AFG2A: variants seen among roughly 807,000 people sequenced by gnomAD.
AFG2A encodes the protein ATPase family gene 2 protein homolog A.
the AFG2A span, among the ~76,000 whole-genome samples, chr4:123,016,436 C>T: frequency 2.0e-5 from 3 of 151,482 alleles, no homozygotes; most frequent in African/African-American, 7.3e-5. Flanking sequence ...CTCCTCACCT[C>T]CCAGACGGGG....
the AFG2A span, among the ~76,000 whole-genome samples, chr4:123,069,155 A>T: frequency 6.6e-6 from 1 of 152,218 alleles, no homozygotes; most frequent in Non-Finnish European, 1.5e-5. Context: ...CCAACAAAGG[A>T]TAGCAGCAGT....
the AFG2A span, among the ~76,000 whole-genome samples, chr4:123,117,438 ATACTGATAG>A: frequency 3.3e-5 from 5 of 149,902 alleles, no homozygotes; most frequent in African/African-American, 1.2e-4. Context: ...GGAACCTGGC[ATACTGATAG>A]TACCCATTAT....
At chr4:123,182,355 C>G in the AFG2A span, among the ~76,000 whole-genome samples, 34 of 152,256 alleles carry the variant, frequency 2.2e-4, no homozygotes, top group African/African-American at 7.7e-4. Context: ...TAAGGTAAGT[C>G]AGTAGCTTTT....
the AFG2A span, among the ~76,000 whole-genome samples, chr4:123,151,665 T>C: frequency 1.3e-3 from 192 of 152,318 alleles, 1 homozygote; most frequent in Non-Finnish European, 2.4e-3. Flanking sequence ...ATAGGAATGC[T>C]TTTACACTGT....
chr4:122,938,080 A>G, the AFG2A span: 1 of 1,507,232 alleles, frequency 6.6e-7, no homozygotes, highest in East Asian at 2.4e-5. Flanking sequence ...GTAAAACTTA[A>G]AATCAAATAT....
At chr4:123,102,468 A>G in the AFG2A span, among the ~76,000 whole-genome samples, 4 of 151,934 alleles carry the variant, frequency 2.6e-5, no homozygotes, top group Non-Finnish European at 5.9e-5. Context: ...CAGATGTCTG[A>G]TTAGCCTGCA....
At chr4:123,053,032 T>C in the AFG2A span, among the ~76,000 whole-genome samples, 34 of 152,292 alleles carry the variant, frequency 2.2e-4, no homozygotes, top group Admixed American at 6.5e-4. Context: ...TTCATCTTCT[T>C]CCACCTGCTT....
the AFG2A span, among the ~76,000 whole-genome samples, chr4:123,241,991 A>T: frequency 1.2e-4 from 18 of 152,336 alleles, 1 homozygote; most frequent in African/African-American, 4.3e-4. Flanking sequence ...CCAATAACAG[A>T]CAAACAGCCA....
At chr4:123,054,868 C>A in the AFG2A span, among the ~76,000 whole-genome samples, 7 of 152,138 alleles carry the variant, frequency 4.6e-5, no homozygotes, top group Admixed American at 2.0e-4. Flanking sequence ...TTGCCTTAAA[C>A]TTGTTCCTCA....
At chr4:122,965,969 C>T in the AFG2A span, among the ~76,000 whole-genome samples, 1 of 151,988 alleles carries the variant, frequency 6.6e-6, no homozygotes, top group Admixed American at 6.6e-5. Context: ...TAACTGATGG[C>T]CAAAAGGGCT....
the AFG2A span, among the ~76,000 whole-genome samples, chr4:123,142,759 C>T: frequency 6.6e-6 from 1 of 152,092 alleles, no homozygotes. Flanking sequence ...TGCATAACTA[C>T]TTGCTTTTCC....
the AFG2A span, among the ~76,000 whole-genome samples, chr4:122,996,187 C>T: frequency 6.6e-6 from 1 of 152,104 alleles, no homozygotes; most frequent in Admixed American, 6.6e-5. Context: ...ATGCTGTCCT[C>T]CCATCTGCCT....
At chr4:122,999,784 G>A in the AFG2A span, among the ~76,000 whole-genome samples, 5 of 152,132 alleles carry the variant, frequency 3.3e-5, no homozygotes, top group South Asian at 2.1e-4. Context: ...TTGACTTGGC[G>A]ATGCGGGCTC....
At chr4:123,200,158 A>T in the AFG2A span, among the ~76,000 whole-genome samples, 3 of 152,192 alleles carry the variant, frequency 2.0e-5, no homozygotes, top group African/African-American at 7.2e-5. Flanking sequence ...GGCAATTCAC[A>T]TATTATGATT....
At chr4:123,046,621 T>C in the AFG2A span, among the ~76,000 whole-genome samples, 2 of 152,178 alleles carry the variant, frequency 1.3e-5, no homozygotes, top group African/African-American at 4.8e-5. Flanking sequence ...CCTCAAACAT[T>C]GATCTTTTCT....
At chr4:122,968,901 C>G in the AFG2A span, among the ~76,000 whole-genome samples, 1 of 151,818 alleles carries the variant, frequency 6.6e-6, no homozygotes, top group Non-Finnish European at 1.5e-5. Flanking sequence ...TTTGAATTGA[C>G]CATTTAGATG....
chr4:123,161,380 G>A, the AFG2A span, among the ~76,000 whole-genome samples: 1 of 152,164 alleles, frequency 6.6e-6, no homozygotes, highest in Non-Finnish European at 1.5e-5. Context: ...CATTTAGGAA[G>A]GATATACCGC....
the AFG2A span, among the ~76,000 whole-genome samples, chr4:123,006,963 G>A: frequency 8.8e-6 from 1 of 114,276 alleles, no homozygotes; most frequent in Non-Finnish European, 1.9e-5. Context: ...TTCTCTTTTT[G>A]TAAAAGGAAA....
the AFG2A span, among the ~76,000 whole-genome samples, chr4:123,253,460 G>T: frequency 6.7e-6 from 1 of 148,788 alleles, no homozygotes; most frequent in Non-Finnish European, 1.5e-5. Flanking sequence ...CTTCCAGCCT[G>T]GGCAACAAGA....
Sources: gnomAD v4.1 joint callset for allele counts (sites outside exome capture counted in the v4.1 genomes callset) on GRCh38, gnomAD v4.1.1 for gene constraint, MANE v1.5 for transcripts, NCBI Gene and HGNC (gene_info 2026-07-23, HGNC 2026-07-21) for gene names.